MGAT3: variants seen among roughly 807,000 people sequenced by gnomAD.
MGAT3 encodes the protein beta-1,4-mannosyl-glycoprotein 4-beta-N-acetylglucosaminyltransferase, also known as GlcNAc-T III.
In MGAT3, 9 loss-of-function variants were observed where a neutral mutation model predicts 29.8. The observed-to-expected ratio is 0.30, with a 90% CI of 0.18 to 0.53. The LOEUF is 0.53. Ranked by LOEUF, MGAT3 falls within the 20% of genes least tolerant of loss-of-function variation. The pLI is 0.96. For synonymous variants in MGAT3, 397 were observed against 348.9 expected (o/e 1.14, Z -1.54); for missense variants, 557 against 769.5 (o/e 0.72, Z 3.27).
At chr22:39,466,829 C>T (rs936559132) in intron 1 of MGAT3, among the ~76,000 whole-genome samples, 4 of 152,238 alleles carry the variant, frequency 2.6e-5, no homozygotes, top group South Asian at 2.1e-4. Flanking sequence ...CTAGTGGTAG[C>T]GTTATTTGTC....
intron 1 of MGAT3, among the ~76,000 whole-genome samples, chr22:39,462,036 G>A (rs1253037881): frequency 6.6e-6 from 1 of 152,142 alleles, no homozygotes; most frequent in Non-Finnish European, 1.5e-5. Flanking sequence ...CGAGCAGCTG[G>A]GAGTATAGGC....
In MGAT3 at chr22:39,465,680, C is replaced by G. The variant is rs547666110; in HGVS notation, c.-2+8123C>G. On this transcript the variant is annotated intron_variant, in intron 1 of 1. Transcript: ENST00000341184. Reference sequence around the variant, plus strand: ...GAAAATGAAATCATGCAAAAAAACTCCAGCACTTTGGGAGGCCGAGGGGGG... The same window carrying G: ...GAAAATGAAATCATGCAAAAAAACTGCAGCACTTTGGGAGGCCGAGGGGGG... Among the ~76,000 whole-genome samples the G allele has an allele frequency of 3.9e-5, 6 of 152,140 alleles. No homozygotes were observed. The East Asian group carries it at 1.2e-3, about 29-fold the overall frequency.
intron 1 of MGAT3, among the ~76,000 whole-genome samples, chr22:39,485,134 C>A (rs1355548774): frequency 2.0e-5 from 3 of 152,200 alleles, no homozygotes; most frequent in Non-Finnish European, 4.4e-5. Context: ...CTGTCTCAGC[C>A]TTTTCTGTGA....
chr22:39,471,749 G>T (rs996204910), intron 1 of MGAT3, among the ~76,000 whole-genome samples: 1 of 152,034 alleles, frequency 6.6e-6, no homozygotes, highest in African/African-American at 2.4e-5. Flanking sequence ...ACAGAGACAC[G>T]AGGCACAGGG....
At chr22:39,484,238 C>T (rs995594081) in intron 1 of MGAT3, among the ~76,000 whole-genome samples, 23 of 152,202 alleles carry the variant, frequency 1.5e-4, no homozygotes, top group Admixed American at 7.2e-4. Context: ...GAAAATTAAA[C>T]TGCGGGCATC....
chr22:39,477,134 G>T (rs1407651560), intron 1 of MGAT3, among the ~76,000 whole-genome samples: 1 of 152,230 alleles, frequency 6.6e-6, no homozygotes, highest in Admixed American at 6.5e-5. Flanking sequence ...AGAAGCTCCA[G>T]GGAAACTGAT....
At chr22:39,479,746 C>G (rs1042621913) in intron 1 of MGAT3, among the ~76,000 whole-genome samples, 2 of 152,232 alleles carry the variant, frequency 1.3e-5, no homozygotes, top group Non-Finnish European at 2.9e-5. Flanking sequence ...CAAGGCCACA[C>G]AGATAGGAGT....
chr22:39,487,731 GC>G lies in MGAT3; in HGVS notation c.389del (p.Pro130ArgfsTer24). ...KPGTKMLERPPPGRPEEKPEG... is the reference protein window; with the variant it reads ...KPGTKMLERPXPGRPEEKPEG... Reference sequence around the variant, plus strand: ...CCGGCACCAAGATGCTGGAGAGGCCGCCCCCGGGACGGCCGGAGGAGAAGCC... The same window carrying G: ...CCGGCACCAAGATGCTGGAGAGGCCGCCCCGGGACGGCCGGAGGAGAAGCC... On this transcript the variant is annotated frameshift_variant, in exon 2 of 2. Coordinates refer to ENST00000341184, the MANE Select transcript of MGAT3 (RefSeq NM_002409.5). LOFTEE classifies it high-confidence loss of function. The surrounding 1 kb of genome is among the most constrained non-coding windows in gnomAD (Gnocchi z 5.7). 7 of 1,551,990 alleles carry G rather than the reference GC, an allele frequency of 4.5e-6. No individual in the cohort carries two copies. Among genetic ancestry groups the G allele is most frequent in the Admixed American group, 4.1e-5 (2 of 48,310 alleles).
In MGAT3 at chr22:39,491,667, G is replaced by T; in HGVS notation, c.*2718G>T. On this transcript the variant is annotated 3_prime_UTR_variant, in exon 2 of 2. Coordinates refer to ENST00000341184, the MANE Select transcript of MGAT3 (RefSeq NM_002409.5). The surrounding 1 kb of genome is among the most constrained non-coding windows in gnomAD (Gnocchi z 5.5). ...TGGAGAGGGCAGCTGTCAGAGGGCT[G>T]GGGGCCAGGGCACAGGATTGAAGAG... 6.0e-6 allele frequency: 1 copy of T among 167,380 alleles called. No individual in the cohort carries two copies. The allele number at this position is 167,380 out of a possible 1,614,324, so 10.4% of individuals were successfully genotyped here.
rs374489469 is a variant in MGAT3 at position 39,488,877 on chromosome 22, G to A, written c.1530G>A (p.Ala510=). ...NPYQEPRSTA[A]GGWRHRGPEG... ...ACCAGGAGCCCAGGAGCACGGCGGC[G>A]GGCGGGTGGCGCCACAGGGGTCCCG... Residue 510 remains alanine (A), a synonymous_variant, in exon 2 of 2, where the codon GCG becomes GCA. Transcript: ENST00000341184. 7 of 1,599,034 alleles carry A rather than the reference G, an allele frequency of 4.4e-6. No homozygotes were observed. The highest frequency in any genetic ancestry group is 4.0e-5 in the African/African-American group (3 of 74,656).
chr22:39,465,369 C>A (rs909397216), intron 1 of MGAT3, among the ~76,000 whole-genome samples: 1 of 152,146 alleles, frequency 6.6e-6, no homozygotes, highest in South Asian at 2.1e-4. Flanking sequence ...TGGGCTGATA[C>A]CCTGGGCTCA....
chr22:39,476,788 C>G (rs566227072), intron 1 of MGAT3: 3 of 152,182 alleles, frequency 2.0e-5, no homozygotes, highest in Non-Finnish European at 4.4e-5. Context: ...AAAATGGAGA[C>G]ACACATATCT....
chr22:39,478,754 C>A (rs1445335611), intron 1 of MGAT3, among the ~76,000 whole-genome samples: 1 of 152,216 alleles, frequency 6.6e-6, no homozygotes, highest in East Asian at 1.9e-4. Context: ...TGGCCAGAAG[C>A]CCCTGGCTGG....
chr22:39,488,112 G>A lies in MGAT3; in HGVS notation c.765G>A (p.Glu255=), dbSNP rs1287462754. 1 of 1,612,814 alleles carries A rather than the reference G, an allele frequency of 6.2e-7. No individual in the cohort carries two copies. The highest frequency in any genetic ancestry group is 8.5e-7 in the Non-Finnish European group (1 of 1,179,698). Residue 255 remains glutamate, a synonymous_variant, in exon 2 of 2, where the codon GAG becomes GAA. Transcript: ENST00000341184. ...AGCCGCGGCCGCTCAAGTTCCGGGA[G>A]ATGCTGACCAATGGCACCTTCGAGT... ...YGEPRPLKFR[E]MLTNGTFEYI...
At chr22:39,482,100 C>G (rs1433448025) in intron 1 of MGAT3, among the ~76,000 whole-genome samples, 1 of 151,798 alleles carries the variant, frequency 6.6e-6, no homozygotes, top group Non-Finnish European at 1.5e-5. Context: ...ACTACAGGCA[C>G]ATAGTAGTTC....
At position 39,488,962 on chromosome 22, in the gene MGAT3, T is replaced by A. The variant is rs756300522; in HGVS notation, c.*13T>A. 1.1e-5 allele frequency: 17 copies of A among 1,597,620 alleles called. 1 individual carries two copies. In the Admixed American group the frequency reaches 2.8e-4, roughly 26 times the overall value. On this transcript the variant is annotated 3_prime_UTR_variant, in exon 2 of 2. Transcript: ENST00000341184. The stretch of plus-strand genomic sequence containing the variant: ...GGCGGAAGTCTAGAGCTGCATGATC[T>A]GATAGGGTTTGTGACAGGGCGGGGG...
At position 39,488,322 on chromosome 22, in the gene MGAT3, C is replaced by T. The variant is rs371459758; in HGVS notation, c.975C>T (p.Asp325=). 2.0e-5 allele frequency: 33 copies of T among 1,611,954 alleles called. No homozygotes were observed. The highest frequency in any genetic ancestry group is 3.3e-5 in the South Asian group (3 of 91,094). ...IDDADEIPAR[D]GVLFLKLYDG... ...ATGCGGACGAGATCCCGGCCCGTGACGGCGTCCTTTTCCTCAAGCTCTACG... is the reference window on the plus strand; with the variant it reads ...ATGCGGACGAGATCCCGGCCCGTGATGGCGTCCTTTTCCTCAAGCTCTACG... Residue 325 remains aspartate, a synonymous_variant, in exon 2 of 2, where the codon GAC becomes GAT. Transcript: ENST00000341184.
Position 39,488,841 on chromosome 22 carries a change from G to T in MGAT3, c.1494G>T (p.Leu498=). Residue 498 remains leucine (L), a synonymous_variant, in exon 2 of 2, where the codon CTG becomes CTT. Transcript: ENST00000341184. ...LKNYDRFHYL[L]DNPYQEPRST... ...ACTACGACCGGTTCCACTACCTGCT[G>T]GACAACCCCTACCAGGAGCCCAGGA... The T allele has an allele frequency of 6.2e-7, 1 of 1,608,664 alleles. No homozygotes were observed. The highest frequency in any genetic ancestry group is 1.3e-5 in the African/African-American group (1 of 74,958).
At position 39,489,072 on chromosome 22, in the gene MGAT3, T is replaced by TG; in HGVS notation, c.*128dup. The TG allele has an allele frequency of 8.2e-6, 3 of 365,002 alleles. No individual in the cohort carries two copies. Among genetic ancestry groups the TG allele is most frequent in the Non-Finnish European group, 1.5e-5 (3 of 200,932 alleles). The allele number at this position is 365,002 out of a possible 1,614,324, so 22.6% of individuals were successfully genotyped here. On this transcript the variant is annotated 3_prime_UTR_variant, in exon 2 of 2. Coordinates refer to ENST00000341184, the MANE Select transcript of MGAT3 (RefSeq NM_002409.5). ...ACCAGGAGTGGGTGGGGAGTGGGGGTGGGGGTAGGGTTTCCCTACTGAAGC... is the reference window on the plus strand; with the variant it reads ...ACCAGGAGTGGGTGGGGAGTGGGGGTGGGGGGTAGGGTTTCCCTACTGAAGC...
Sources: gnomAD v4.1 joint callset for allele counts (sites outside exome capture counted in the v4.1 genomes callset) on GRCh38, gnomAD v4.1.1 for gene constraint, Gnocchi (gnomAD v3.1) non-coding constraint, MANE v1.5 for transcripts, NCBI Gene and HGNC (gene_info 2026-07-23, HGNC 2026-07-21) for gene names.